ROBO1: variants seen among roughly 807,000 people sequenced by gnomAD.
The protein encoded by ROBO1 is roundabout homolog 1.
ROBO1 carries 149 observed loss-of-function variants against 195.9 expected under a neutral mutation model. The observed-to-expected ratio is 0.76, with a 90% CI of 0.67 to 0.87. The LOEUF is 0.87. Among genes scored for constraint, ROBO1 ranks in the 40% least tolerant of loss-of-function variants. ROBO1 has a pLI of 0.00. For missense variants in ROBO1, 1,933 were observed against 2,068.3 expected, an observed-to-expected ratio of 0.93 and a Z score of 1.27; for synonymous variants, 816 against 733.2, an observed-to-expected ratio of 1.11 and a Z score of -1.82.
At chr3:79,164,023 G>C (rs1302613723) in intron 2 of ROBO1, among the ~76,000 whole-genome samples, 1 of 152,126 alleles carries the variant, frequency 6.6e-6, no homozygotes, top group South Asian at 2.1e-4. Context: ...ATCCTTGGAA[G>C]ACACTGTGTG....
intron 2 of ROBO1, among the ~76,000 whole-genome samples, chr3:79,416,936 C>T (rs2038028766): frequency 6.6e-6 from 1 of 152,158 alleles, no homozygotes; most frequent in Non-Finnish European, 1.5e-5. Flanking sequence ...TGAAGTTAGG[C>T]TGATCATTCA....
intron 2 of ROBO1, among the ~76,000 whole-genome samples, chr3:79,441,656 T>C (rs1045434268): frequency 1.3e-5 from 2 of 152,218 alleles, no homozygotes; most frequent in South Asian, 2.1e-4. Flanking sequence ...GAAAAAGCAA[T>C]TGGTCATCTT....
At chr3:79,334,887 C>G in intron 2 of ROBO1, among the ~76,000 whole-genome samples, 1 of 152,042 alleles carries the variant, frequency 6.6e-6, no homozygotes, top group East Asian at 1.9e-4. Context: ...AGGCAGATCA[C>G]CTGAGGCCAG....
intron 4 of ROBO1, among the ~76,000 whole-genome samples, chr3:78,906,121 C>T (rs162264): frequency 0.37 from 56,599 of 151,938 alleles, 11,249 homozygotes; most frequent in African/African-American, 0.52. Context: ...CAGAATCCTA[C>T]GATTTTTCCT....
chr3:79,508,982 G>A (rs1369820649), intron 2 of ROBO1, among the ~76,000 whole-genome samples: 3 of 151,850 alleles, frequency 2.0e-5, no homozygotes, highest in African/African-American at 7.2e-5. Flanking sequence ...AGAATTCATA[G>A]TTGAAGACAA....
chr3:79,396,878 C>T (rs2037175346), intron 2 of ROBO1, among the ~76,000 whole-genome samples: 1 of 152,016 alleles, frequency 6.6e-6, no homozygotes, highest in African/African-American at 2.4e-5. Flanking sequence ...AAAAACTTTG[C>T]CTTTTTCAAA....
At chr3:78,939,707 T>C (rs749332941) in intron 3 of ROBO1, among the ~76,000 whole-genome samples, 20 of 150,920 alleles carry the variant, frequency 1.3e-4, no homozygotes, top group Non-Finnish European at 2.8e-4. Flanking sequence ...ATGTAGACTT[T>C]TATATCTTCC....
At chr3:78,704,170 G>A (rs1431675364) in intron 8 of ROBO1, among the ~76,000 whole-genome samples, 3 of 152,042 alleles carry the variant, frequency 2.0e-5, no homozygotes, top group African/African-American at 4.8e-5. Flanking sequence ...CCACGTTAAT[G>A]GTCAGAAACA....
At chr3:79,352,130 T>C (rs1398778808) in intron 2 of ROBO1, among the ~76,000 whole-genome samples, 5 of 152,176 alleles carry the variant, frequency 3.3e-5, no homozygotes, top group Non-Finnish European at 7.4e-5. Context: ...TTACTAGAAA[T>C]TGAAGTATCC....
rs150547905 is a variant in ROBO1, at chr3:79,699,155, C to T, written c.-51+68597G>A. Among the ~76,000 whole-genome samples, 873 of 150,820 alleles carry T rather than the reference C, an allele frequency of 5.8e-3. 14 individuals carry two copies. Among genetic ancestry groups the T allele is most frequent in the African/African-American group, 0.018 (744 of 41,300 alleles). On this transcript the variant is annotated intron_variant, in intron 1 of 30. Transcript: ENST00000464233. Reference sequence around the variant, plus strand: ...GTAACCATCTAAAATAAAAACAGTACGTTTGAGTGAACAAATGCCACCTCT... The same window carrying T: ...GTAACCATCTAAAATAAAAACAGTATGTTTGAGTGAACAAATGCCACCTCT...
chr3:79,675,644 A>G (rs1257094735), intron 1 of ROBO1, among the ~76,000 whole-genome samples: 2 of 152,076 alleles, frequency 1.3e-5, no homozygotes, highest in East Asian at 1.9e-4. Context: ...TAGAGGTAAC[A>G]TTTAATTTTA....
At chr3:78,967,883 CTGG>C (rs1242487582) in intron 3 of ROBO1, among the ~76,000 whole-genome samples, 78 of 152,102 alleles carry the variant, frequency 5.1e-4, no homozygotes, top group Non-Finnish European at 8.1e-4. Context: ...TATTTTCAAA[CTGG>C]CTATATAGTT....
chr3:79,395,561 A>G, intron 2 of ROBO1, among the ~76,000 whole-genome samples: 1 of 151,976 alleles, frequency 6.6e-6, no homozygotes, highest in Non-Finnish European at 1.5e-5. Context: ...AGAAAGTTGG[A>G]AGATATGAAG....
chr3:78,860,247 A>G (rs1343508654), intron 4 of ROBO1, among the ~76,000 whole-genome samples: 2 of 148,570 alleles, frequency 1.3e-5, no homozygotes, highest in East Asian at 2.0e-4. Flanking sequence ...TGCATTTAAT[A>G]CAGATGTTCA....
chr3:79,463,964 A>T (rs1307870877), intron 2 of ROBO1, among the ~76,000 whole-genome samples: 1 of 152,196 alleles, frequency 6.6e-6, no homozygotes, highest in Non-Finnish European at 1.5e-5. Flanking sequence ...CTAAGCAGCC[A>T]GTCATCTCCT....
At chr3:78,613,811 T>C (rs1313054346) in intron 28 of ROBO1, among the ~76,000 whole-genome samples, 1 of 152,208 alleles carries the variant, frequency 6.6e-6, no homozygotes, top group Non-Finnish European at 1.5e-5. Context: ...ATGCCCTTTT[T>C]GAAAAATTGC....
chr3:78,661,808 A>G (rs1707422055), intron 15 of ROBO1, among the ~76,000 whole-genome samples, 185 bp downstream of exon 15: 1 of 152,206 alleles, frequency 6.6e-6, no homozygotes, highest in Non-Finnish European at 1.5e-5. Flanking sequence ...CAATAGGAAA[A>G]AAATAGGCTC....
chr3:78,977,380 T>TA (rs1390574926), intron 3 of ROBO1, among the ~76,000 whole-genome samples: 1 of 152,092 alleles, frequency 6.6e-6, no homozygotes, highest in Non-Finnish European at 1.5e-5. Context: ...TATGATTAAT[T>TA]AAAATAACTT....
chr3:79,617,654 A>T (rs2093824556), intron 1 of ROBO1, among the ~76,000 whole-genome samples: 1 of 152,068 alleles, frequency 6.6e-6, no homozygotes, highest in Non-Finnish European at 1.5e-5. Context: ...CAGTACAAAA[A>T]CACAGTGATT....
Sources: allele counts gnomAD v4.1 joint callset (sites outside exome capture counted in the v4.1 genomes callset), GRCh38; gene constraint gnomAD v4.1.1; transcripts MANE v1.5; gene names NCBI Gene and HGNC (gene_info 2026-07-23, HGNC 2026-07-21).